Variants in ESRRG observed in about 807,000 individuals in gnomAD.
The protein encoded by ESRRG is estrogen-related receptor gamma.
In ESRRG, 13 loss-of-function variants were observed where a neutral mutation model predicts 44.0. The observed-to-expected ratio is 0.30, with a 90% CI of 0.19 to 0.47. The LOEUF (loss-of-function observed/expected upper bound fraction) is 0.47, where lower values mean the gene tolerates loss of function less well. Ranked by LOEUF, ESRRG falls within the 20% of genes least tolerant of loss-of-function variation. The pLI is 1.00. For missense variants in ESRRG, 395 were observed against 580.6 expected, an observed-to-expected ratio of 0.68 and a Z score of 3.29; for synonymous variants, 215 against 214.6, an observed-to-expected ratio of 1.00 and a Z score of -0.02.
intron 2 of ESRRG, among the ~76,000 whole-genome samples, chr1:216,779,704 C>T (rs2093851295): frequency 6.7e-6 from 1 of 148,202 alleles, no homozygotes; most frequent in Admixed American, 7.0e-5. Flanking sequence ...TTCTTGCTAA[C>T]AATTTAGTCA....
intron 3 of ESRRG, among the ~76,000 whole-genome samples, chr1:216,627,749 T>C (rs972074455): frequency 6.6e-6 from 1 of 152,196 alleles, no homozygotes; most frequent in Non-Finnish European, 1.5e-5. Context: ...TAAGCTTTGT[T>C]AGCATAGTCT....
At chr1:216,964,933 TAAAC>T (rs1272365662) in intron 1 of ESRRG, among the ~76,000 whole-genome samples, 1 of 152,190 alleles carries the variant, frequency 6.6e-6, no homozygotes, top group East Asian at 1.9e-4. Context: ...ATACATTTCA[TAAAC>T]AAAGATCCAA....
chr1:216,524,383 G>C (rs1369353843), intron 5 of ESRRG, among the ~76,000 whole-genome samples: 1 of 150,884 alleles, frequency 6.6e-6, no homozygotes, highest in Non-Finnish European at 1.5e-5. Context: ...GTGAAAGCTG[G>C]AACATCTACA....
At chr1:216,792,035 A>G (rs1347746346) in intron 2 of ESRRG, among the ~76,000 whole-genome samples, 1 of 152,188 alleles carries the variant, frequency 6.6e-6, no homozygotes, top group African/African-American at 2.4e-5. Flanking sequence ...TCTAAGAAGA[A>G]GGGTTAAGTT....
At chr1:216,969,227 C>A (rs2071114488) in intron 1 of ESRRG, among the ~76,000 whole-genome samples, 1 of 152,086 alleles carries the variant, frequency 6.6e-6, no homozygotes, top group East Asian at 1.9e-4. Flanking sequence ...ATGAAGCTCA[C>A]CTTCCAGTGA....
intron 5 of ESRRG, among the ~76,000 whole-genome samples, chr1:216,559,347 T>G (rs1172834926): frequency 6.6e-6 from 1 of 152,232 alleles, no homozygotes; most frequent in African/African-American, 2.4e-5. Flanking sequence ...GTGTTTTAAT[T>G]CATTCATAGC....
chr1:216,987,139 G>GT (rs2075004990), intron 1 of ESRRG, among the ~76,000 whole-genome samples: 1 of 152,162 alleles, frequency 6.6e-6, no homozygotes, highest in African/African-American at 2.4e-5. Flanking sequence ...TTTTTTAAAA[G>GT]TTGTGATATT....
intron 3 of ESRRG, among the ~76,000 whole-genome samples, chr1:216,578,106 C>T (rs1475768072): frequency 6.6e-6 from 1 of 151,860 alleles, no homozygotes; most frequent in Non-Finnish European, 1.5e-5. Flanking sequence ...TAAAGTAAAT[C>T]TAGTATAACG....
At chr1:217,073,931 T>C (rs999670131) in intron 1 of ESRRG, among the ~76,000 whole-genome samples, 1 of 152,172 alleles carries the variant, frequency 6.6e-6, no homozygotes, top group African/African-American at 2.4e-5. Context: ...AATATATCTT[T>C]GGTAGCATAT....
chr1:217,063,802 T>C (rs149992937), intron 1 of ESRRG, among the ~76,000 whole-genome samples: 50 of 152,216 alleles, frequency 3.3e-4, no homozygotes, highest in African/African-American at 7.2e-4. Context: ...ACTCAAAGCA[T>C]TGGGGTAGAG....
intron 1 of ESRRG, among the ~76,000 whole-genome samples, chr1:217,022,656 C>A (rs901169724): frequency 6.6e-6 from 1 of 152,198 alleles, no homozygotes; most frequent in African/African-American, 2.4e-5. Context: ...CCTGGCACCT[C>A]AACCGGTATG....
At chr1:216,794,290 T>G (rs559732543) in intron 2 of ESRRG, among the ~76,000 whole-genome samples, 1 of 152,300 alleles carries the variant, frequency 6.6e-6, no homozygotes, top group South Asian at 2.1e-4. Flanking sequence ...CATTATGAGT[T>G]GGGGAAAAAG....
intron 2 of ESRRG, among the ~76,000 whole-genome samples, chr1:216,892,280 T>C (rs1402615030): frequency 6.6e-6 from 1 of 152,130 alleles, no homozygotes; most frequent in Non-Finnish European, 1.5e-5. Context: ...TAGGGGCAAA[T>C]ATATCAGGCA....
chr1:216,875,171 A>G (rs1039458394), intron 2 of ESRRG, among the ~76,000 whole-genome samples: 2 of 152,182 alleles, frequency 1.3e-5, no homozygotes, highest in Admixed American at 6.5e-5. Flanking sequence ...CTTCCTCTAG[A>G]GAACCCTAAT....
intron 1 of ESRRG, among the ~76,000 whole-genome samples, chr1:217,037,348 G>C (rs2083082116): frequency 1.3e-5 from 2 of 152,266 alleles, no homozygotes; most frequent in South Asian, 4.1e-4. Context: ...ACATGGCAGG[G>C]GAGGTTTCAC....
intron 1 of ESRRG, among the ~76,000 whole-genome samples, chr1:217,137,430 G>T (rs1420107421): frequency 1.3e-5 from 2 of 152,232 alleles, no homozygotes; most frequent in Non-Finnish European, 2.9e-5. Context: ...ACCGCCCATG[G>T]CTCCACGCAG....
chr1:216,795,784 G>C (rs1304541101), intron 2 of ESRRG, among the ~76,000 whole-genome samples: 1 of 152,096 alleles, frequency 6.6e-6, no homozygotes, highest in Non-Finnish European at 1.5e-5. Context: ...TGTAAAACAA[G>C]GAGACAAAAA....
At chr1:216,699,242 A>G (rs2151843985) in intron 1 of ESRRG, among the ~76,000 whole-genome samples, 1 of 152,320 alleles carries the variant, frequency 6.6e-6, no homozygotes, top group Middle Eastern at 3.4e-3. Context: ...TAAATATGAA[A>G]GCAAAAGATT....
Position 217,114,870 on chromosome 1 carries a change from G to A in ESRRG, c.-230+22797C>T, listed in dbSNP as rs139894598. ...TGATTTTTAGGGGTTTCACCATGTC[G>A]ACCAGGATGGTCTCGATCTCCTGAC... On this transcript the variant is annotated intron_variant, in intron 1 of 8. Coordinates refer to the ESRRG transcript ENST00000366940. Among the ~76,000 whole-genome samples the A allele has an allele frequency of 2.2e-3, 335 of 151,878 alleles. 2 individuals carry two copies. Among genetic ancestry groups the A allele is most frequent in the East Asian group, 0.018 (90 of 5,132 alleles).
Sources: allele counts gnomAD v4.1 joint callset (sites outside exome capture counted in the v4.1 genomes callset), GRCh38; gene constraint gnomAD v4.1.1; transcripts MANE v1.5; gene names NCBI Gene and HGNC (gene_info 2026-07-23, HGNC 2026-07-21).